PCDHGA12: variants seen among roughly 807,000 people sequenced by gnomAD.
The protein encoded by PCDHGA12 is protocadherin gamma-A12.
Under a neutral mutation model 61.1 loss-of-function variants are expected in PCDHGA12, and 43 were observed. The observed-to-expected ratio is 0.70, with a 90% confidence interval of 0.55 to 0.91. The LOEUF (loss-of-function observed/expected upper bound fraction) is 0.91, where lower values mean the gene tolerates loss of function less well. Among genes scored for constraint, PCDHGA12 ranks in the 40% least tolerant of loss-of-function variants. The pLI, the probability that PCDHGA12 is intolerant of heterozygous loss-of-function variation, is 0.00. For synonymous variants in PCDHGA12, 520 were observed against 542.9 expected, an observed-to-expected ratio of 0.96 and a Z score of 0.59; for missense variants, 1,236 against 1,227.7, an observed-to-expected ratio of 1.01 and a Z score of -0.10.
chr5:141,479,188 A>G (rs2099489531), intron 1 of PCDHGA12: 1 of 152,606 alleles, frequency 6.6e-6, no homozygotes. Context: ...TAGAAAATTC[A>G]GAAAATACAG....
rs770685748 is a variant in PCDHGA12 at position 141,486,601 on chromosome 5, C to T, written c.2425-8206C>T. 9 of 1,613,558 alleles carry T rather than the reference C, an allele frequency of 5.6e-6. No homozygotes were observed. The highest frequency in any genetic ancestry group is 7.6e-6 in the Non-Finnish European group (9 of 1,180,024). On this transcript the variant is annotated intron_variant, in intron 1 of 3. Transcript: ENST00000252085. This position sits in a 1 kb window ranked among gnomAD's most constrained non-coding sequence, Gnocchi z 5.0. ...ATCGCCCAGGGGACCTGCTTTGCTC[C>T]CTTGCAGCCTCTGACCCAGACTCTG...
chr5:141,481,762 G>A (rs1378950651), intron 1 of PCDHGA12, among the ~76,000 whole-genome samples: 3 of 152,126 alleles, frequency 2.0e-5, no homozygotes, highest in African/African-American at 2.4e-5. Flanking sequence ...GACCAGCCTG[G>A]CCAACATGGT....
rs909174523 is a variant in PCDHGA12 at position 141,474,102 on chromosome 5, A to AAAC, written c.2425-20695_2425-20693dup. 2.6e-5 allele frequency among the ~76,000 whole-genome samples: 4 copies of AAAC among 152,286 alleles called. No homozygotes were observed. In the East Asian group the frequency reaches 7.7e-4, roughly 29 times the overall value. ...AAAACCAAAAAACAAACAACAACAA[A>AAAC]AACAACAACAACGAAAATCTCAGAA... is the stretch of plus-strand genomic sequence containing the variant. On this transcript the variant is annotated intron_variant, in intron 1 of 3. Coordinates refer to ENST00000252085, the MANE Select transcript of PCDHGA12 (RefSeq NM_003735.3).
At chr5:141,497,203 G>A (rs750138875) in intron 2 of PCDHGA12, among the ~76,000 whole-genome samples, 25 of 91,718 alleles carry the variant, frequency 2.7e-4, no homozygotes, top group Non-Finnish European at 4.9e-4. Flanking sequence ...AACAATGTGA[G>A]TGTAATGGGG....
chr5:141,450,253 A>G (rs1025385837), intron 1 of PCDHGA12, among the ~76,000 whole-genome samples: 1 of 152,020 alleles, frequency 6.6e-6, no homozygotes, highest in African/African-American at 2.4e-5. Flanking sequence ...CCTGACCTCA[A>G]GTGATCTGCC....
intron 1 of PCDHGA12, among the ~76,000 whole-genome samples, chr5:141,459,664 T>A (rs766213146): frequency 1.3e-5 from 2 of 152,262 alleles, no homozygotes; most frequent in Non-Finnish European, 2.9e-5. Flanking sequence ...TCACTTTACA[T>A]TTTCATGAGC....
intron 1 of PCDHGA12, among the ~76,000 whole-genome samples, chr5:141,445,332 A>G (rs1364481039): frequency 1.4e-4 from 22 of 152,140 alleles, no homozygotes; most frequent in Admixed American, 1.4e-3. Context: ...CCATCCAGAA[A>G]CAGTAAACAT....
At position 141,477,210 on chromosome 5, in the gene PCDHGA12, C is replaced by G. The variant is rs780852225; in HGVS notation, c.2425-17597C>G. 1.2e-6 allele frequency: 2 copies of G among 1,614,142 alleles called. No individual in the cohort carries two copies. The highest frequency in any genetic ancestry group is 1.7e-6 in the Non-Finnish European group (2 of 1,180,030). On this transcript the variant is annotated intron_variant, in intron 1 of 3. Coordinates refer to ENST00000252085, the MANE Select transcript of PCDHGA12 (RefSeq NM_003735.3). The surrounding 1 kb of genome is among the most constrained non-coding windows in gnomAD (Gnocchi z 4.9). ...GTGTACAGCCCAGTACCCGAGGATG[C>G]CCCTCTGGGGACTGTCATCGCTTTG...
Position 141,510,974 on chromosome 5 carries a change from G to T in PCDHGA12, c.2600G>T (p.Gly867Val). The T allele has an allele frequency of 6.2e-7, 1 of 1,614,150 alleles. No homozygotes were observed. The highest frequency in any genetic ancestry group is 1.1e-5 in the South Asian group (1 of 91,088). ...SEAADGSSTL[G>V]GGAGTMGLSA... ...GCTGCTGATGGGAGCTCCACCCTGG[G>T]AGGGGGTGCCGGCACCATGGGATTG... is the stretch of plus-strand genomic sequence containing the variant. The change falls in exon 4 of 4, where the codon GGA becomes GTA. Residue 867 changes from glycine (G) to valine (V), a missense_variant. Physicochemically the swap from Gly to Val is moderately radical, Grantham distance 109. Transcript: ENST00000252085.
intron 1 of PCDHGA12, among the ~76,000 whole-genome samples, chr5:141,437,987 C>T (rs2097922147): frequency 1.3e-5 from 2 of 152,156 alleles, no homozygotes; most frequent in African/African-American, 2.4e-5. Flanking sequence ...GCACCCACCC[C>T]ACCTCAGCCT....
chr5:141,456,047 A>G (rs1321504293), intron 1 of PCDHGA12, among the ~76,000 whole-genome samples: 3 of 151,774 alleles, frequency 2.0e-5, no homozygotes, highest in Non-Finnish European at 4.4e-5. Context: ...ACAGGCGCCC[A>G]CCACCACGTC....
chr5:141,458,567 TTTTG>T (rs144471304), intron 1 of PCDHGA12, among the ~76,000 whole-genome samples: 42,006 of 151,504 alleles, frequency 0.28, 6,493 homozygotes, highest in African/African-American at 0.43. Context: ...GGTTTTGGGT[TTTTG>T]TTTGTTTGTT....
chr5:141,463,125 G>A (rs2099053159), intron 1 of PCDHGA12, among the ~76,000 whole-genome samples: 3 of 152,192 alleles, frequency 2.0e-5, no homozygotes, highest in East Asian at 1.9e-4. Context: ...ATAGCTCCCT[G>A]GCAGTTCTTC....
In PCDHGA12 at chr5:141,511,540, C is replaced by CTA; in HGVS notation, c.*367_*368insTA. ...ATCCCATGCCTCCCTCCTCCCCACC[C>CTA]CACTCCAACAGTTCCTCTTTCCCGA... On this transcript the variant is annotated 3_prime_UTR_variant, in exon 4 of 4. Transcript: ENST00000252085. 3.0e-6 allele frequency: 1 copy of CTA among 328,024 alleles called. No individual in the cohort carries two copies. Among genetic ancestry groups the CTA allele is most frequent in the South Asian group, 3.2e-5 (1 of 31,610 alleles). 20.3% of individuals were successfully genotyped at this position (328,024 alleles called of 1,614,324 possible). A position where few individuals can be genotyped will look rare whatever the true frequency, so the allele number is the denominator to read the frequency against.
Position 141,476,944 on chromosome 5 carries a change from C to A in PCDHGA12, c.2425-17863C>A. The A allele has an allele frequency of 1.9e-6, 3 of 1,614,188 alleles. No individual in the cohort carries two copies. The highest frequency in any genetic ancestry group is 2.5e-6 in the Non-Finnish European group (3 of 1,180,044). ...CAACGGATCTGGATGAAGGCCCCAA[C>A]GGTGAAATTATTTACTCCTTCGGCA... On this transcript the variant is annotated intron_variant, in intron 1 of 3. Transcript: ENST00000252085. This position sits in a 1 kb window ranked among gnomAD's most constrained non-coding sequence, Gnocchi z 7.6.
rs577770679 is a variant in PCDHGA12, at chr5:141,458,782, G to A, written c.2424+25599G>A. Reference sequence around the variant, plus strand: ...GGGTCTTGCTGTGTCACACAGGCTGGAGTGCAGTGGTGTGATCTCAGCTCA... The same window carrying A: ...GGGTCTTGCTGTGTCACACAGGCTGAAGTGCAGTGGTGTGATCTCAGCTCA... On this transcript the variant is annotated intron_variant, in intron 1 of 3. Coordinates refer to ENST00000252085, the MANE Select transcript of PCDHGA12 (RefSeq NM_003735.3). 3.3e-5 allele frequency among the ~76,000 whole-genome samples: 5 copies of A among 152,020 alleles called. No homozygotes were observed. In the East Asian group the frequency reaches 9.7e-4, roughly 30 times the overall value.
chr5:141,450,633 C>T (rs751572851), intron 1 of PCDHGA12, among the ~76,000 whole-genome samples: 2 of 149,416 alleles, frequency 1.3e-5, no homozygotes, highest in East Asian at 2.0e-4. Flanking sequence ...ATTACAGATG[C>T]CTGCCACCAT....
At chr5:141,454,311 T>G (rs755771201) in intron 1 of PCDHGA12, among the ~76,000 whole-genome samples, 6 of 152,216 alleles carry the variant, frequency 3.9e-5, no homozygotes, top group Admixed American at 2.6e-4. Context: ...TTTCAAAGCA[T>G]TGAAACCTCC....
intron 1 of PCDHGA12, among the ~76,000 whole-genome samples, chr5:141,460,961 A>G (rs113156768): frequency 0.11 from 16,010 of 144,518 alleles, 1,385 homozygotes; most frequent in African/African-American, 0.24. Context: ...GTATATATAT[A>G]TGTGTGTGTG....
Sources: allele counts gnomAD v4.1 joint callset (sites outside exome capture counted in the v4.1 genomes callset), GRCh38; gene constraint gnomAD v4.1.1; non-coding constraint Gnocchi (gnomAD v3.1); transcripts MANE v1.5; gene names NCBI Gene and HGNC (gene_info 2026-07-23, HGNC 2026-07-21).